The following VPS35L variants were observed in gnomAD, a reference collection of about 807,000 sequenced individuals.
VPS35L encodes VPS35 endosomal protein sorting factor like, also known as VPS35 endosomal protein-sorting factor-like.
In VPS35L, 83 loss-of-function variants were observed where a neutral mutation model predicts 133.0. The ratio of observed to expected loss-of-function variants is 0.62; its 90% CI spans 0.52 to 0.75. The LOEUF is 0.75. Among genes scored for constraint, VPS35L ranks in the 30% least tolerant of loss-of-function variants. The pLI is 0.00. For missense variants in VPS35L, 1,083 were observed against 1,206.8 expected (o/e 0.90, Z 1.52); for synonymous variants, 423 against 449.9 (o/e 0.94, Z 0.76).
At chr16:19,570,998 C>T (rs75027958) in intron 3 of VPS35L, among the ~76,000 whole-genome samples, 1 of 150,762 alleles carries the variant, frequency 6.6e-6, no homozygotes, top group Non-Finnish European at 1.5e-5. Context: ...CTCAGCCTTC[C>T]GAGTGGCTGG....
chr16:19,600,667 A>C (rs920387761), intron 8 of VPS35L, among the ~76,000 whole-genome samples: 1 of 152,188 alleles, frequency 6.6e-6, no homozygotes, highest in South Asian at 2.1e-4. Flanking sequence ...GCCTTTGTGG[A>C]GCTTGCATTC....
intron 3 of VPS35L, 125 bp from the exon 4 acceptor site, chr16:19,572,994 A>G: frequency 2.6e-6 from 3 of 1,147,506 alleles, no homozygotes; most frequent in Non-Finnish European, 3.5e-6. Flanking sequence ...TTTTTATGAT[A>G]GTAAACCTTG....
At chr16:19,691,841 A>G (rs952416895) in intron 29 of VPS35L, among the ~76,000 whole-genome samples, 7 of 150,282 alleles carry the variant, frequency 4.7e-5, no homozygotes, top group Non-Finnish European at 1.0e-4. Flanking sequence ...CAGCTCCCTG[A>G]CTAGAATGTA....
Position 19,560,380 on chromosome 16 carries a change from T to C in VPS35L, c.18-4471T>C, listed in dbSNP as rs141611462. 2.6e-5 allele frequency among the ~76,000 whole-genome samples: 4 copies of C among 152,366 alleles called. No homozygotes were observed. The East Asian group carries it at 7.7e-4, about 29-fold the overall frequency. On this transcript the variant is annotated intron_variant, in intron 1 of 30. Coordinates refer to ENST00000417362, the MANE Select transcript of VPS35L (RefSeq NM_020314.7). Reference sequence around the variant, plus strand: ...ATCTAGCGTTTGCTCAGCTGTTGATTGTTAGTAATTCCAATAGGGACAGAA... The same window carrying C: ...ATCTAGCGTTTGCTCAGCTGTTGATCGTTAGTAATTCCAATAGGGACAGAA...
At chr16:19,614,468 G>A (rs1379946568) in intron 12 of VPS35L, among the ~76,000 whole-genome samples, 1 of 152,196 alleles carries the variant, frequency 6.6e-6, no homozygotes, top group Non-Finnish European at 1.5e-5. Flanking sequence ...CTGGAGTGCA[G>A]TGGCACAATC....
chr16:19,588,905 C>T (rs1281281841), intron 7 of VPS35L, among the ~76,000 whole-genome samples: 1 of 152,126 alleles, frequency 6.6e-6, no homozygotes, highest in African/African-American at 2.4e-5. Context: ...AGTATGTGGG[C>T]GTGTGAGAGT....
intron 19 of VPS35L, among the ~76,000 whole-genome samples, chr16:19,637,328 C>A (rs1452723282): frequency 6.6e-6 from 1 of 152,140 alleles, no homozygotes; most frequent in Non-Finnish European, 1.5e-5. Flanking sequence ...GAAGCTGAGA[C>A]TGAGACTCAG....
chr16:19,688,666 T>G (rs373073141), intron 28 of VPS35L, among the ~76,000 whole-genome samples: 45 of 151,846 alleles, frequency 3.0e-4, no homozygotes, highest in African/African-American at 1.0e-3. Flanking sequence ...AGCCTGGGGG[T>G]TCAGATGCTG....
At chr16:19,688,597 G>A (rs1320725328) in intron 28 of VPS35L, among the ~76,000 whole-genome samples, 1 of 152,128 alleles carries the variant, frequency 6.6e-6, no homozygotes, top group Non-Finnish European at 1.5e-5. Context: ...GAGTGCCGCC[G>A]CCGCACCGTC....
Position 19,682,259 on chromosome 16 carries a change from G to C in VPS35L, c.2396G>C (p.Arg799Pro). The C allele has an allele frequency of 6.2e-7, 1 of 1,613,860 alleles. No individual in the cohort carries two copies. The highest frequency in any genetic ancestry group is 8.5e-7 in the Non-Finnish European group (1 of 1,179,990). The change falls in exon 28 of 31, where the codon CGA becomes CCA. Residue 799 changes from arginine to proline, a missense_variant. Coordinates refer to ENST00000417362, the MANE Select transcript of VPS35L (RefSeq NM_020314.7). ...GAACATGGGGTCCTGTTTCTTGTTC[G>C]AGAGCTTCTCAACGTGATCCAGGAC... is the stretch of plus-strand genomic sequence containing the variant. ...HPEHGVLFLVRELLNVIQDYT... is the reference protein window; with the variant it reads ...HPEHGVLFLVPELLNVIQDYT...
At chr16:19,614,519 T>G (rs919058363) in intron 12 of VPS35L, among the ~76,000 whole-genome samples, 6 of 152,174 alleles carry the variant, frequency 3.9e-5, no homozygotes, top group African/African-American at 1.4e-4. Flanking sequence ...CAAGCGATCC[T>G]CCCACCTCAA....
At chr16:19,638,273 A>G (rs1973681303) in intron 20 of VPS35L, among the ~76,000 whole-genome samples, 1 of 152,162 alleles carries the variant, frequency 6.6e-6, no homozygotes, top group African/African-American at 2.4e-5. Flanking sequence ...ATAGCAGCTA[A>G]TATTTATTCG....
At position 19,623,765 on chromosome 16, in the gene VPS35L, A is replaced by ATTT. The variant is rs1194613781; in HGVS notation, c.1225-2411_1225-2409dup. On this transcript the variant is annotated intron_variant, in intron 14 of 30. Coordinates refer to ENST00000417362, the MANE Select transcript of VPS35L (RefSeq NM_020314.7). ...TTTATTTTTTACTTTTTACTTATTT[A>ATTT]TTTATTATTATTATTATTATTATTA... 5.1e-3 allele frequency among the ~76,000 whole-genome samples: 645 copies of ATTT among 126,136 alleles called. 3 individuals carry two copies. Among genetic ancestry groups the ATTT allele is most frequent in the Middle Eastern group, 0.023 (6 of 256 alleles). 82.8% of individuals were successfully genotyped at this position (126,136 alleles called of 152,430 possible).
At chr16:19,670,766 T>G (rs1266330178) in intron 27 of VPS35L, among the ~76,000 whole-genome samples, 1 of 152,148 alleles carries the variant, frequency 6.6e-6, no homozygotes, top group Non-Finnish European at 1.5e-5. Context: ...TCCTTATAAC[T>G]TGGAGTCCAT....
chr16:19,623,875 C>T (rs1209883857), intron 14 of VPS35L, among the ~76,000 whole-genome samples: 1 of 148,446 alleles, frequency 6.7e-6, no homozygotes, highest in Non-Finnish European at 1.5e-5. Context: ...GCAGTCTTGG[C>T]TTACTGCAGT....
At position 19,667,778 on chromosome 16, in the gene VPS35L, GTATGAT is replaced by G. The variant is rs1974744607; in HGVS notation, c.2222-1377_2222-1372del. On this transcript the variant is annotated intron_variant, in intron 26 of 30. Coordinates refer to ENST00000417362, the MANE Select transcript of VPS35L (RefSeq NM_020314.7). ...CAGAAAAAAAAATAGTTGTTAATTA[GTATGAT>G]TATGTTGGTCTCATTGCCACAGTTT... is the stretch of plus-strand genomic sequence containing the variant. Among the ~76,000 whole-genome samples, 3 of 150,862 alleles carry G rather than the reference GTATGAT, an allele frequency of 2.0e-5. No individual in the cohort carries two copies. The South Asian group carries it at 6.3e-4, about 32-fold the overall frequency.
chr16:19,630,321 TA>T (rs1214163089), intron 18 of VPS35L, among the ~76,000 whole-genome samples: 1 of 144,282 alleles, frequency 6.9e-6, no homozygotes, highest in Non-Finnish European at 1.5e-5. Flanking sequence ...AATCAAGTCC[TA>T]AAAGTTTTTT....
At chr16:19,689,898 T>C (rs925871256) in intron 28 of VPS35L, among the ~76,000 whole-genome samples, 6 of 152,182 alleles carry the variant, frequency 3.9e-5, no homozygotes, top group African/African-American at 1.4e-4. Flanking sequence ...GATATAAAAA[T>C]AGCACGAAGA....
intron 28 of VPS35L, among the ~76,000 whole-genome samples, chr16:19,684,807 A>G (rs567186444): frequency 2.4e-3 from 367 of 152,300 alleles, no homozygotes; most frequent in African/African-American, 8.2e-3. Flanking sequence ...CTATAATCCC[A>G]GCACTTTGGG....
Sources: gnomAD v4.1 joint callset for allele counts (sites outside exome capture counted in the v4.1 genomes callset) on GRCh38, gnomAD v4.1.1 for gene constraint, MANE v1.5 for transcripts, NCBI Gene and HGNC (gene_info 2026-07-23, HGNC 2026-07-21) for gene names.